KLRF2: variants seen among roughly 807,000 people sequenced by gnomAD.
KLRF2 encodes the protein killer cell lectin-like receptor subfamily F member 2.
KLRF2 carries 28 observed loss-of-function variants against 25.3 expected under a neutral mutation model. That is an observed-to-expected ratio of 1.11 (90% confidence interval 0.82 to 1.52). KLRF2 has a LOEUF of 1.52. Ranked by LOEUF, KLRF2 falls within the 40% of genes most tolerant of loss-of-function variation. KLRF2 has a pLI of 0.00. For synonymous variants in KLRF2, 73 were observed against 85.0 expected, an observed-to-expected ratio of 0.86 and a Z score of 0.78; for missense variants, 265 against 245.8, an observed-to-expected ratio of 1.08 and a Z score of -0.52.
chr12:9,893,185 A>C lies in KLRF2; in HGVS notation c.366+17A>C. 6.6e-7 allele frequency: 1 copy of C among 1,524,972 alleles called. No individual in the cohort carries two copies. 94.5% of individuals were successfully genotyped at this position (1,524,972 alleles called of 1,614,324 possible). A position where few individuals can be genotyped will look rare whatever the true frequency, so the allele number is the denominator to read the frequency against. On this transcript the variant is annotated intron_variant, in intron 4 of 5. Transcript: ENST00000535540. ...GATGAGCTGGTGAGAAATCAAAAAC[A>C]GGATCTAACTGCACAAGGAAAAATG...
chr12:9,892,978 G>T, intron 3 of KLRF2, 42 bp from the exon 4 acceptor site: 1 of 1,435,026 alleles, frequency 7.0e-7, no homozygotes, highest in Non-Finnish European at 9.4e-7. Flanking sequence ...CTTCCCTGTT[G>T]GCTGTAAAGT....
At chr12:9,895,419 A>G (rs1304238267) in intron 5 of KLRF2, among the ~76,000 whole-genome samples, 3 of 152,186 alleles carry the variant, frequency 2.0e-5, no homozygotes, top group Non-Finnish European at 4.4e-5. Context: ...GAAATAGAAT[A>G]CTCAGGTCTT....
At chr12:9,893,398 T>C in intron 4 of KLRF2, 31 bp from the exon 5 acceptor site, 1 of 1,077,456 alleles carries the variant, frequency 9.3e-7, no homozygotes, top group East Asian at 2.6e-5. Context: ...TTTAAACAAA[T>C]GAATGAATAA....
chr12:9,889,596 C>T (rs1445512053), intron 3 of KLRF2, among the ~76,000 whole-genome samples: 3 of 151,902 alleles, frequency 2.0e-5, no homozygotes, highest in African/African-American at 7.3e-5. Context: ...TGCCTGCCCC[C>T]ACAATTATAT....
intron 3 of KLRF2, among the ~76,000 whole-genome samples, chr12:9,891,904 A>G (rs1862681467): frequency 6.6e-6 from 1 of 152,236 alleles, no homozygotes; most frequent in Admixed American, 6.5e-5. Flanking sequence ...CTAAAATATT[A>G]ATGAAAATAT....
intron 5 of KLRF2, among the ~76,000 whole-genome samples, chr12:9,894,126 T>TCTCTC (rs1862724726): frequency 4.6e-5 from 6 of 130,290 alleles, no homozygotes; most frequent in East Asian, 4.4e-4. Flanking sequence ...TTTCTTTTCT[T>TCTCTC]TCTCTCTCTC....
At chr12:9,890,275 T>C (rs910288249) in intron 3 of KLRF2, among the ~76,000 whole-genome samples, 1 of 152,224 alleles carries the variant, frequency 6.6e-6, no homozygotes, top group Non-Finnish European at 1.5e-5. Context: ...TTTTACAACA[T>C]ATACTTGTTA....
rs1418760047 is a variant in KLRF2 at position 9,888,785 on chromosome 12, T to C, written c.217+5T>C. On this transcript the variant is annotated splice_donor_5th_base_variant and intron_variant, in intron 3 of 5. Coordinates refer to ENST00000535540, the MANE Select transcript of KLRF2 (RefSeq NM_001190765.1). ...TAAACGTCAGCAGTCTATCAGGTAA[T>C]ACTCTTTTTGTTTGTTATGTGCTAC... 2 of 1,493,218 alleles carry C rather than the reference T, an allele frequency of 1.3e-6. No homozygotes were observed. The highest frequency in any genetic ancestry group is 2.5e-5 in the East Asian group (1 of 40,724). 92.5% of individuals were successfully genotyped at this position (1,493,218 alleles called of 1,614,324 possible).
chr12:9,892,903 C>CAAA (rs35351866), intron 3 of KLRF2, 117 bp from the exon 4 acceptor site: 2,592 of 774,238 alleles, frequency 3.3e-3, no homozygotes, highest in Non-Finnish European at 4.1e-3. Context: ...TTTTATTGAC[C>CAAA]AAAAAAAAAA....
intron 3 of KLRF2, among the ~76,000 whole-genome samples, chr12:9,891,570 C>A (rs1032487939): frequency 6.6e-6 from 1 of 152,174 alleles, no homozygotes; most frequent in Non-Finnish European, 1.5e-5. Flanking sequence ...CCTCTCAAAT[C>A]ATAACTTGGG....
intron 2 of KLRF2, among the ~76,000 whole-genome samples, chr12:9,885,420 T>G (rs528693566): frequency 6.6e-6 from 1 of 151,930 alleles, no homozygotes; most frequent in African/African-American, 2.4e-5. Context: ...TACTTATATG[T>G]GTATACTGTA....
intron 3 of KLRF2, among the ~76,000 whole-genome samples, chr12:9,891,094 G>T (rs1302511821): frequency 6.8e-6 from 1 of 146,530 alleles, no homozygotes. Flanking sequence ...GGTCATGGTT[G>T]GGCACAATTT....
At chr12:9,886,162 AT>A (rs904490603) in intron 2 of KLRF2, among the ~76,000 whole-genome samples, 5 of 152,106 alleles carry the variant, frequency 3.3e-5, no homozygotes, top group Non-Finnish European at 5.9e-5. Flanking sequence ...TAGTAAAAAT[AT>A]TTTTTTCTAG....
chr12:9,887,500 AT>A (rs1862612404), intron 2 of KLRF2, among the ~76,000 whole-genome samples: 1 of 152,242 alleles, frequency 6.6e-6, no homozygotes, highest in South Asian at 2.1e-4. Flanking sequence ...TCAAGTAAAT[AT>A]TTTTTCCATT....
chr12:9,881,763 A>G (rs1868097222), intron 1 of KLRF2, 98 bp downstream of exon 1: 1 of 853,696 alleles, frequency 1.2e-6, no homozygotes, highest in Non-Finnish European at 1.8e-6. Context: ...CATTGATCAT[A>G]ATAAGGAATA....
chr12:9,881,713 C>A, intron 1 of KLRF2, 48 bp downstream of exon 1: 1 of 1,259,264 alleles, frequency 7.9e-7, no homozygotes, highest in Non-Finnish European at 1.1e-6. Flanking sequence ...CATTATTCTT[C>A]TAGGAAGAGA....
chr12:9,885,765 C>A (rs1405246116), intron 2 of KLRF2, among the ~76,000 whole-genome samples: 5 of 151,930 alleles, frequency 3.3e-5, no homozygotes, highest in Non-Finnish European at 7.4e-5. Context: ...CAATCATATA[C>A]CTCAAAATTG....
At chr12:9,893,391 A>C in intron 4 of KLRF2, 38 bp from the exon 5 acceptor site, 1 of 1,058,672 alleles carries the variant, frequency 9.4e-7, no homozygotes, top group South Asian at 1.5e-5. Context: ...AAATTTTTTT[A>C]AACAAATGAA....
intron 4 of KLRF2, 43 bp from the exon 5 acceptor site, chr12:9,893,386 T>C: frequency 1.9e-6 from 2 of 1,034,352 alleles, no homozygotes; most frequent in Non-Finnish European, 2.8e-6. Context: ...CATCAAAATT[T>C]TTTTAAACAA....
Sources: gnomAD v4.1 joint callset for allele counts (sites outside exome capture counted in the v4.1 genomes callset) on GRCh38, gnomAD v4.1.1 for gene constraint, MANE v1.5 for transcripts, NCBI Gene and HGNC (gene_info 2026-07-23, HGNC 2026-07-21) for gene names.